Variants in MS4A13 observed in about 807,000 individuals in gnomAD.
MS4A13 encodes the protein membrane spanning 4-domains A13.
In MS4A13, 21 loss-of-function variants were observed where a neutral mutation model predicts 18.4. The observed-to-expected ratio is 1.14, with a 90% confidence interval of 0.81 to 1.64. MS4A13 has a LOEUF of 1.64. MS4A13 is among the 40% of genes most tolerant of loss of function. MS4A13 has a pLI of 0.00. For synonymous variants in MS4A13, 62 were observed against 57.2 expected (o/e 1.08, Z -0.38); for missense variants, 173 against 176.8 (o/e 0.98, Z 0.12).
intron 6 of MS4A13, among the ~76,000 whole-genome samples, chr11:60,541,716 A>T (rs1262974023): frequency 1.3e-5 from 2 of 152,180 alleles, no homozygotes; most frequent in Non-Finnish European, 2.9e-5. Flanking sequence ...GCATCTATTA[A>T]GATTTATGTT....
intron 5 of MS4A13, among the ~76,000 whole-genome samples, chr11:60,527,681 C>A (rs1402943096): frequency 6.6e-6 from 1 of 151,824 alleles, no homozygotes; most frequent in African/African-American, 2.4e-5. Flanking sequence ...ACTAAAAATA[C>A]AAAAGTTAGC....
intron 2 of MS4A13, among the ~76,000 whole-genome samples, chr11:60,517,773 T>A (rs1250008996): frequency 6.6e-6 from 1 of 152,196 alleles, no homozygotes; most frequent in Non-Finnish European, 1.5e-5. Context: ...CATTACTTGA[T>A]AGGTAGGGAG....
chr11:60,543,097 C>A (rs542876834), downstream of MS4A13, among the ~76,000 whole-genome samples: 13 of 152,068 alleles, frequency 8.5e-5, no homozygotes, highest in Non-Finnish European at 1.3e-4. Flanking sequence ...CCTTTCTGCC[C>A]TGAACATATC....
At chr11:60,522,071 G>A (rs766616740) in intron 3 of MS4A13, among the ~76,000 whole-genome samples, 6 of 151,912 alleles carry the variant, frequency 3.9e-5, no homozygotes, top group Non-Finnish European at 7.4e-5. Flanking sequence ...GAACAGCATG[G>A]GAAGGACCCG....
At chr11:60,524,369 T>C (rs2086698203) in intron 4 of MS4A13, among the ~76,000 whole-genome samples, 1 of 152,156 alleles carries the variant, frequency 6.6e-6, no homozygotes, top group Non-Finnish European at 1.5e-5. Flanking sequence ...TAAAGATCCA[T>C]GCATGGTATA....
intron 6 of MS4A13, among the ~76,000 whole-genome samples, chr11:60,541,253 G>A (rs2086855836): frequency 6.6e-6 from 1 of 152,266 alleles, no homozygotes; most frequent in South Asian, 2.1e-4. Flanking sequence ...CCTATGATCA[G>A]TAATTTAAGT....
At chr11:60,528,690 C>T (rs2135259614) in intron 5 of MS4A13, among the ~76,000 whole-genome samples, 1 of 152,270 alleles carries the variant, frequency 6.6e-6, no homozygotes, top group Middle Eastern at 3.4e-3. Flanking sequence ...TGTCTTTCCA[C>T]AGCCAGCACA....
chr11:60,518,258 A>T, intron 3 of MS4A13, 46 bp downstream of exon 3: 1 of 1,475,144 alleles, frequency 6.8e-7, no homozygotes, highest in Non-Finnish European at 9.2e-7. Context: ...AATAAATAAT[A>T]TTCATGCCAA....
chr11:60,526,957 C>T (rs1283749366), intron 5 of MS4A13, among the ~76,000 whole-genome samples: 1 of 152,124 alleles, frequency 6.6e-6, no homozygotes, highest in Non-Finnish European at 1.5e-5. Flanking sequence ...GAAGAAAATG[C>T]CTGCTAGTTA....
intron 5 of MS4A13, 114 bp from the exon 6 acceptor site, chr11:60,529,251 C>A (rs542663928): frequency 4.6e-6 from 2 of 431,802 alleles, no homozygotes; most frequent in East Asian, 4.3e-5. Context: ...TCTTATTTTC[C>A]TTCCTTTTTT....
At chr11:60,543,015 G>T (rs911171313), downstream of MS4A13, among the ~76,000 whole-genome samples, 12 of 152,196 alleles carry the variant, frequency 7.9e-5, no homozygotes, top group African/African-American at 2.9e-4. Flanking sequence ...TTCTATCAAA[G>T]TATGAATCAA....
chr11:60,530,439 T>C (rs1590876669), intron 6 of MS4A13, among the ~76,000 whole-genome samples: 2 of 152,266 alleles, frequency 1.3e-5, no homozygotes, highest in South Asian at 2.1e-4. Context: ...TAAGACTACA[T>C]GGTAAAAGGA....
rs377183084 is a variant in MS4A13 at position 60,519,358 on chromosome 11, CA to C, written c.129+1147del. Reference sequence around the variant, plus strand: ...AAAGTACAAAAACAGAAGGGAAAGGCAGAGAAAGGAGAGTTTTCTTTGATAG... The same window carrying C: ...AAAGTACAAAAACAGAAGGGAAAGGCGAGAAAGGAGAGTTTTCTTTGATAG... On this transcript the variant is annotated intron_variant, in intron 3 of 6. Coordinates refer to ENST00000378186, the MANE Select transcript of MS4A13 (RefSeq NM_001012417.3). Among the ~76,000 whole-genome samples, 19 of 150,650 alleles carry C rather than the reference CA, an allele frequency of 1.3e-4. No homozygotes were observed. The East Asian group carries it at 1.7e-3, about 14-fold the overall frequency.
intron 6 of MS4A13, among the ~76,000 whole-genome samples, chr11:60,538,526 C>A (rs896083389): frequency 1.3e-5 from 2 of 150,956 alleles, no homozygotes; most frequent in Non-Finnish European, 3.0e-5. Context: ...CACATTGTAC[C>A]CCATAAATAT....
intron 3 of MS4A13, among the ~76,000 whole-genome samples, chr11:60,520,450 A>G (rs2086666069): frequency 6.6e-6 from 1 of 152,250 alleles, no homozygotes; most frequent in African/African-American, 2.4e-5. Flanking sequence ...CTTCCTAGAT[A>G]CAATGGGGGT....
chr11:60,525,157 C>A, intron 4 of MS4A13, 50 bp from the exon 5 acceptor site: 1 of 1,420,136 alleles, frequency 7.0e-7, no homozygotes, highest in Non-Finnish European at 9.8e-7. Flanking sequence ...ACTATTACAC[C>A]AAAATGTTTA....
intron 3 of MS4A13, among the ~76,000 whole-genome samples, chr11:60,519,826 G>A (rs1312538212): frequency 1.3e-5 from 2 of 152,228 alleles, no homozygotes; most frequent in African/African-American, 4.8e-5. Flanking sequence ...GAATTTAACA[G>A]AGAGTTGAAG....
intron 5 of MS4A13, among the ~76,000 whole-genome samples, chr11:60,527,410 C>CTCTGTGTGTGTGTGTG (rs1555024373): frequency 1.9e-3 from 54 of 28,802 alleles, no homozygotes; most frequent in Non-Finnish European, 2.7e-3. Context: ...CTCTCTCTCT[C>CTCTGTGTGTGTGTGTG]TGTGTGTGTG....
intron 5 of MS4A13, among the ~76,000 whole-genome samples, 155 bp from the exon 6 acceptor site, chr11:60,529,210 A>C (rs1423180896): frequency 6.6e-6 from 1 of 151,768 alleles, no homozygotes; most frequent in Non-Finnish European, 1.5e-5. Flanking sequence ...AGAAATGTCT[A>C]AGGAAATCAA....
Sources: gnomAD v4.1 joint callset for allele counts (sites outside exome capture counted in the v4.1 genomes callset) on GRCh38, gnomAD v4.1.1 for gene constraint, MANE v1.5 for transcripts, NCBI Gene and HGNC (gene_info 2026-07-23, HGNC 2026-07-21) for gene names.